Variants in RBFOX1 observed in about 807,000 individuals in gnomAD.
The protein encoded by RBFOX1 is RNA binding protein fox-1 homolog 1.
A neutral mutation model predicts 57.7 loss-of-function variants in RBFOX1; 8 were observed. The ratio of observed to expected loss-of-function variants is 0.14; its 90% confidence interval spans 0.08 to 0.25. The LOEUF (loss-of-function observed/expected upper bound fraction) is 0.25. Among genes scored for constraint, RBFOX1 ranks in the 10% least tolerant of loss-of-function variants. The probability of loss-of-function intolerance (pLI) is 1.00; values close to 1 mark genes in which losing one functional copy is unlikely to be tolerated. For missense variants in RBFOX1, 611 were observed against 548.5 expected, an observed-to-expected ratio of 1.11 and a Z score of -1.14; for synonymous variants, 326 against 222.4, an observed-to-expected ratio of 1.47 and a Z score of -4.15.
At chr16:7,445,750 G>A (rs1349185538) in intron 4 of RBFOX1, among the ~76,000 whole-genome samples, 1 of 152,028 alleles carries the variant, frequency 6.6e-6, no homozygotes, top group Non-Finnish European at 1.5e-5. Context: ...GTCTTTTCAC[G>A]CGGGTGACGT....
chr16:7,405,293 G>A (rs1268194249), intron 4 of RBFOX1, among the ~76,000 whole-genome samples: 1 of 152,204 alleles, frequency 6.6e-6, no homozygotes, highest in Admixed American at 6.5e-5. Flanking sequence ...GGCCTCTCCT[G>A]GTAGCCCCCC....
At chr16:6,331,302 C>T (rs1277871060) in intron 2 of RBFOX1, among the ~76,000 whole-genome samples, 1 of 152,068 alleles carries the variant, frequency 6.6e-6, no homozygotes, top group Admixed American at 6.6e-5. Context: ...AAAAAATTAG[C>T]TAGGCATGCT....
intron 3 of RBFOX1, among the ~76,000 whole-genome samples, chr16:6,879,379 C>T (rs1399084444): frequency 6.6e-6 from 1 of 152,126 alleles, no homozygotes; most frequent in Non-Finnish European, 1.5e-5. Context: ...TCTCTCTGCC[C>T]TGTTTATATT....
At chr16:7,498,651 G>C (rs758083680) in intron 4 of RBFOX1, among the ~76,000 whole-genome samples, 21 of 152,132 alleles carry the variant, frequency 1.4e-4, no homozygotes, top group Middle Eastern at 3.4e-3. Flanking sequence ...CTTGTATGAC[G>C]TCTCTGAAAT....
intron 4 of RBFOX1, among the ~76,000 whole-genome samples, chr16:7,089,695 C>A (rs180738323): frequency 6.6e-6 from 1 of 152,144 alleles, no homozygotes; most frequent in Non-Finnish European, 1.5e-5. Context: ...CCCAGACCCC[C>A]TTCCACATCC....
chr16:6,602,729 A>AT (rs1047101269), intron 2 of RBFOX1, among the ~76,000 whole-genome samples: 3 of 151,574 alleles, frequency 2.0e-5, no homozygotes, highest in African/African-American at 7.3e-5. Context: ...TGGAAGTGCA[A>AT]TTTTTTTTCC....
chr16:6,428,457 A>AT (rs1449785413), intron 2 of RBFOX1, among the ~76,000 whole-genome samples: 5 of 152,036 alleles, frequency 3.3e-5, no homozygotes, highest in African/African-American at 1.2e-4. Flanking sequence ...TTATATTGTA[A>AT]TTTTTTATTC....
intron 4 of RBFOX1, among the ~76,000 whole-genome samples, chr16:5,929,330 C>T (rs551257711): frequency 1.3e-5 from 2 of 152,130 alleles, no homozygotes; most frequent in Admixed American, 1.3e-4. Flanking sequence ...CTCTCTCTCT[C>T]TCTCTCTTTC....
chr16:7,138,228 C>A (rs929672057), intron 4 of RBFOX1, among the ~76,000 whole-genome samples: 1 of 152,008 alleles, frequency 6.6e-6, no homozygotes. Flanking sequence ...TACCTGAAGT[C>A]ATGAGAGATG....
chr16:6,174,605 A>G (rs1484018592), intron 1 of RBFOX1, among the ~76,000 whole-genome samples: 1 of 152,184 alleles, frequency 6.6e-6, no homozygotes, highest in Non-Finnish European at 1.5e-5. Context: ...CAAAAAATAA[A>G]AATAAAAATA....
intron 1 of RBFOX1, among the ~76,000 whole-genome samples, chr16:6,275,853 A>C (rs2075747608): frequency 6.6e-6 from 1 of 152,248 alleles, no homozygotes; most frequent in Non-Finnish European, 1.5e-5. Context: ...AATAATATTT[A>C]CCAAATATTT....
intron 2 of RBFOX1, among the ~76,000 whole-genome samples, chr16:5,594,233 A>G (rs1449291465): frequency 6.6e-6 from 1 of 152,186 alleles, no homozygotes; most frequent in Non-Finnish European, 1.5e-5. Context: ...CACCTCCTAC[A>G]TCTTTATTCT....
rs192004028 is a variant in RBFOX1, at chr16:5,708,281, A to T, written c.318+109320A>T. Among the ~76,000 whole-genome samples, 608 of 152,270 alleles carry T rather than the reference A, an allele frequency of 4.0e-3. 8 individuals carry two copies. Among genetic ancestry groups the T allele is most frequent in the South Asian group, 0.011 (54 of 4,822 alleles). On this transcript the variant is annotated intron_variant, in intron 3 of 19. Coordinates refer to the RBFOX1 transcript ENST00000641259. ...CATTTGGTAAATATGTATCAAGCAG[A>T]TGAAGTATGAGGCACTGTCCTAGGT... is the stretch of plus-strand genomic sequence containing the variant.
At chr16:7,331,116 C>T (rs866670422) in intron 4 of RBFOX1, among the ~76,000 whole-genome samples, 2 of 152,108 alleles carry the variant, frequency 1.3e-5, no homozygotes, top group South Asian at 2.1e-4. Flanking sequence ...AAACCCTGTC[C>T]GCCGTCGTTA....
chr16:6,975,226 GC>G (rs2153577078), intron 3 of RBFOX1, among the ~76,000 whole-genome samples: 1 of 151,906 alleles, frequency 6.6e-6, no homozygotes, highest in East Asian at 1.9e-4. Flanking sequence ...AATTTAAGAG[GC>G]CACCACAATA....
At chr16:7,080,316 A>T (rs977306692) in intron 4 of RBFOX1, among the ~76,000 whole-genome samples, 2 of 152,050 alleles carry the variant, frequency 1.3e-5, no homozygotes, top group African/African-American at 4.8e-5. Flanking sequence ...GCATAAATAG[A>T]TTATTTCCTC....
intron 4 of RBFOX1, among the ~76,000 whole-genome samples, chr16:7,480,024 G>T (rs952775526): frequency 1.3e-5 from 2 of 152,134 alleles, no homozygotes; most frequent in Non-Finnish European, 2.9e-5. Flanking sequence ...GTTCCCCACC[G>T]ATGTCCATGT....
At chr16:6,510,209 C>A (rs757177892) in intron 2 of RBFOX1, among the ~76,000 whole-genome samples, 2 of 152,086 alleles carry the variant, frequency 1.3e-5, no homozygotes. Context: ...TTTATTAGCC[C>A]CTTTGTCTCA....
intron 4 of RBFOX1, among the ~76,000 whole-genome samples, chr16:7,475,306 A>C (rs1352102416): frequency 6.9e-6 from 1 of 145,402 alleles, no homozygotes; most frequent in East Asian, 2.0e-4. Context: ...AAGGATGGGC[A>C]TTCTTTTTTT....
Sources: allele counts gnomAD v4.1 joint callset (sites outside exome capture counted in the v4.1 genomes callset), GRCh38; gene constraint gnomAD v4.1.1; transcripts MANE v1.5; gene names NCBI Gene and HGNC (gene_info 2026-07-23, HGNC 2026-07-21).